Variants in BBOX1 observed in about 807,000 individuals in gnomAD.
BBOX1 encodes the protein gamma-butyrobetaine dioxygenase.
BBOX1 carries 35 observed loss-of-function variants against 41.6 expected under a neutral mutation model. The ratio of observed to expected loss-of-function variants is 0.84; its 90% CI spans 0.64 to 1.11. BBOX1 has a LOEUF of 1.11. Among genes scored for constraint, BBOX1 ranks in the 50% most tolerant of loss-of-function variants. The pLI is 0.00. For synonymous variants in BBOX1, 163 were observed against 154.7 expected (o/e 1.05, Z -0.40); for missense variants, 458 against 460.6 (o/e 0.99, Z 0.05).
rs1219837748 is a variant in BBOX1 at position 27,117,997 on chromosome 11, T to C, written c.640-1652T>C. On this transcript the variant is annotated intron_variant, in intron 6 of 8. Coordinates refer to ENST00000263182, the MANE Select transcript of BBOX1 (RefSeq NM_003986.3). ...ACCACACTGATCCTGAGCTGGAATT[T>C]CTAACTATTATAATTTATGTAGTAA... Among the ~76,000 whole-genome samples, 3 of 152,144 alleles carry C rather than the reference T, an allele frequency of 2.0e-5. No homozygotes were observed. In the East Asian group the frequency reaches 5.8e-4, roughly 29 times the overall value.
At chr11:27,043,132 C>A (rs1407462212) in intron 2 of BBOX1, among the ~76,000 whole-genome samples, 1 of 151,906 alleles carries the variant, frequency 6.6e-6, no homozygotes, top group South Asian at 2.1e-4. Flanking sequence ...GGCGCGATCT[C>A]GGCTCACTGC....
At chr11:27,045,159 GA>G (rs1376752320) in intron 2 of BBOX1, among the ~76,000 whole-genome samples, 1 of 151,992 alleles carries the variant, frequency 6.6e-6, no homozygotes, top group Non-Finnish European at 1.5e-5. Flanking sequence ...TTCTAACTTG[GA>G]TTCCTAGATA....
intron 6 of BBOX1, among the ~76,000 whole-genome samples, chr11:27,116,648 C>T (rs1272663201): frequency 2.0e-5 from 3 of 151,882 alleles, no homozygotes; most frequent in Non-Finnish European, 4.4e-5. Context: ...ACTGAGATGG[C>T]TGGTTTCTGC....
At chr11:27,057,011 A>G (rs1032865654) in intron 3 of BBOX1, among the ~76,000 whole-genome samples, 190 bp from the exon 4 acceptor site, 1 of 138,426 alleles carries the variant, frequency 7.2e-6, no homozygotes, top group Admixed American at 7.9e-5. Context: ...GGTTGCAGTG[A>G]GCCGAGATTG....
intron 4 of BBOX1, among the ~76,000 whole-genome samples, chr11:27,064,627 A>T (rs1274456567): frequency 1.3e-5 from 2 of 152,150 alleles, no homozygotes; most frequent in Non-Finnish European, 2.9e-5. Context: ...GTAAAAAAGG[A>T]GTTTAATAGA....
At chr11:27,125,610 A>C (rs925856697) in intron 7 of BBOX1, 44 bp from the exon 8 acceptor site, 1 of 1,383,836 alleles carries the variant, frequency 7.2e-7, no homozygotes, top group Non-Finnish European at 9.6e-7. Flanking sequence ...ATGTAAATAG[A>C]TATTTCATGA....
chr11:27,088,541 C>A (rs1052740367), intron 4 of BBOX1, among the ~76,000 whole-genome samples: 1 of 151,896 alleles, frequency 6.6e-6, no homozygotes, highest in African/African-American at 2.4e-5. Flanking sequence ...TCTTTAAACA[C>A]CCATGCTTGA....
Position 27,080,855 on chromosome 11 carries a change from T to A in BBOX1, c.335-12313T>A, listed in dbSNP as rs184635558. Among the ~76,000 whole-genome samples, 427 of 152,304 alleles carry A rather than the reference T, an allele frequency of 2.8e-3. 2 individuals carry two copies. The highest frequency in any genetic ancestry group is 9.6e-3 in the African/African-American group (401 of 41,590). ...GAGATTACAATAAAATCAGTCATCC[T>A]CATGTGTTTTCCTCCACATTTAGCT... On this transcript the variant is annotated intron_variant, in intron 4 of 8. Coordinates refer to ENST00000263182, the MANE Select transcript of BBOX1 (RefSeq NM_003986.3).
At chr11:27,093,451 A>G in intron 5 of BBOX1, 85 bp downstream of exon 5, 1 of 1,360,076 alleles carries the variant, frequency 7.4e-7, no homozygotes, top group East Asian at 2.4e-5. Flanking sequence ...TTGATTGAAG[A>G]TACAGAAATT....
At chr11:27,068,202 C>T (rs1004418645) in intron 4 of BBOX1, among the ~76,000 whole-genome samples, 9 of 151,878 alleles carry the variant, frequency 5.9e-5, no homozygotes, top group South Asian at 4.2e-4. Flanking sequence ...CCACAGTGAA[C>T]GCTTCCCTTT....
chr11:27,064,700 C>T (rs1172544462), intron 4 of BBOX1, among the ~76,000 whole-genome samples: 2 of 152,042 alleles, frequency 1.3e-5, no homozygotes, highest in African/African-American at 4.8e-5. Context: ...ATCCAACGCT[C>T]ATAGGTTAGG....
chr11:27,097,755 G>T (rs978328844), intron 5 of BBOX1, among the ~76,000 whole-genome samples: 2 of 152,024 alleles, frequency 1.3e-5, no homozygotes, highest in Admixed American at 1.3e-4. Flanking sequence ...TCCCCAGGAT[G>T]ATGCAAAGCA....
chr11:27,060,265 C>T (rs1424665390), intron 4 of BBOX1, among the ~76,000 whole-genome samples: 2 of 152,024 alleles, frequency 1.3e-5, no homozygotes, highest in Non-Finnish European at 2.9e-5. Context: ...TGTGTAGCAA[C>T]ACCTCCCTTA....
Position 27,097,614 on chromosome 11 carries a change from C to G in BBOX1, c.533+4248C>G, listed in dbSNP as rs974075457. ...ATTGGCTTCCTTTAAATAATCTAGG[C>G]CAATAAAAATTCCATAAAGCGAAGG... is the stretch of plus-strand genomic sequence containing the variant. On this transcript the variant is annotated intron_variant, in intron 5 of 8. Transcript: ENST00000263182. 2.6e-5 allele frequency among the ~76,000 whole-genome samples: 4 copies of G among 151,876 alleles called. No homozygotes were observed. In the East Asian group the frequency reaches 7.7e-4, roughly 29 times the overall value.
intron 4 of BBOX1, among the ~76,000 whole-genome samples, chr11:27,063,902 T>TA (rs1857207806): frequency 6.6e-6 from 1 of 152,188 alleles, no homozygotes; most frequent in African/African-American, 2.4e-5. Context: ...GAGAACCATA[T>TA]ATTTACTTGA....
chr11:27,051,422 A>G (rs2133952621), intron 2 of BBOX1, among the ~76,000 whole-genome samples: 1 of 151,992 alleles, frequency 6.6e-6, no homozygotes, highest in South Asian at 2.1e-4. Context: ...ATTCTTCTTT[A>G]ATGTTTGGTG....
chr11:27,124,809 C>G (rs1262540934), intron 7 of BBOX1, among the ~76,000 whole-genome samples: 1 of 152,188 alleles, frequency 6.6e-6, no homozygotes, highest in Admixed American at 6.5e-5. Flanking sequence ...CAGGTGTGAG[C>G]CACCGTGCCC....
Position 27,115,456 on chromosome 11 carries a change from A to G in BBOX1, c.538A>G (p.Thr180Ala), listed in dbSNP as rs774695999. ...GFLYLTFYGH[T>A]WQVQDKIDAN... ...TGTGTTTCTTGCATTTTACAGACAT[A>G]CTTGGCAAGTGCAAGACAAAATCGA... is the stretch of plus-strand genomic sequence containing the variant. Residue 180 changes from threonine to alanine, a missense_variant, in exon 6 of 9, where the codon ACT (threonine) becomes GCT (alanine). By Grantham distance (58) the Thr-to-Ala change is moderately conservative. Transcript: ENST00000263182. The G allele has an allele frequency of 6.2e-7, 1 of 1,608,632 alleles. No individual in the cohort carries two copies. Among genetic ancestry groups the G allele is most frequent in the Non-Finnish European group, 8.5e-7 (1 of 1,177,076 alleles).
intron 4 of BBOX1, among the ~76,000 whole-genome samples, chr11:27,074,024 G>T (rs1002971878): frequency 6.6e-6 from 1 of 151,980 alleles, no homozygotes; most frequent in Non-Finnish European, 1.5e-5. Context: ...TAACAAACCT[G>T]CATGTTGTGC....
Sources: allele counts gnomAD v4.1 joint callset (sites outside exome capture counted in the v4.1 genomes callset), GRCh38; gene constraint gnomAD v4.1.1; transcripts MANE v1.5; gene names NCBI Gene and HGNC (gene_info 2026-07-23, HGNC 2026-07-21).